The following INPP4B variants were observed in gnomAD, a reference collection of about 807,000 sequenced individuals.
INPP4B encodes the protein inositol polyphosphate-4-phosphatase type II B.
INPP4B carries 55 observed loss-of-function variants against 122.5 expected under a neutral mutation model. That is an observed-to-expected ratio of 0.45 (90% confidence interval 0.36 to 0.56). The LOEUF is 0.56. INPP4B is among the 20% of genes least tolerant of loss of function. INPP4B has a pLI of 0.00. For missense variants in INPP4B, 1,000 were observed against 1,097.7 expected, an observed-to-expected ratio of 0.91 and a Z score of 1.26; for synonymous variants, 403 against 388.7, an observed-to-expected ratio of 1.04 and a Z score of -0.43.
chr4:142,036,451 C>A (rs566839872), intron 25 of INPP4B, among the ~76,000 whole-genome samples: 1 of 152,130 alleles, frequency 6.6e-6, no homozygotes, highest in Middle Eastern at 3.4e-3. Flanking sequence ...TCAGTGGAGC[C>A]ACCCTACAGA....
intron 2 of INPP4B, among the ~76,000 whole-genome samples, chr4:142,643,251 A>T (rs1413520602): frequency 6.6e-6 from 1 of 152,192 alleles, no homozygotes; most frequent in Non-Finnish European, 1.5e-5. Context: ...TCTCACAACA[A>T]CATGATGAAT....
At chr4:142,619,599 G>A (rs1186873840) in intron 2 of INPP4B, among the ~76,000 whole-genome samples, 1 of 151,962 alleles carries the variant, frequency 6.6e-6, no homozygotes, top group African/African-American at 2.4e-5. Context: ...TTGTTGCCAG[G>A]GGATAAGAGG....
At chr4:142,605,034 G>C (rs888451039) in intron 2 of INPP4B, among the ~76,000 whole-genome samples, 4 of 151,956 alleles carry the variant, frequency 2.6e-5, no homozygotes, top group Non-Finnish European at 1.5e-5. Context: ...TAGACAAATG[G>C]AACAGAACAG....
chr4:142,269,144 T>G (rs1221813115), intron 10 of INPP4B, among the ~76,000 whole-genome samples: 1 of 152,166 alleles, frequency 6.6e-6, no homozygotes. Flanking sequence ...GTAATTGACT[T>G]CTTTTATTTT....
intron 2 of INPP4B, among the ~76,000 whole-genome samples, chr4:142,642,147 T>A (rs1007541162): frequency 3.3e-4 from 51 of 152,282 alleles, no homozygotes; most frequent in South Asian, 6.2e-4. Flanking sequence ...GTTTGAGTTC[T>A]TTGTAGATTC....
At chr4:142,787,348 T>C (rs1055230732) in intron 1 of INPP4B, among the ~76,000 whole-genome samples, 5 of 152,120 alleles carry the variant, frequency 3.3e-5, no homozygotes, top group Non-Finnish European at 7.4e-5. Context: ...AGTGTGTTTC[T>C]TATAAAAGAA....
chr4:142,596,127 G>A (rs974427404), intron 2 of INPP4B, among the ~76,000 whole-genome samples: 70 of 152,204 alleles, frequency 4.6e-4, no homozygotes, highest in African/African-American at 1.7e-3. Flanking sequence ...TTATAGGCAT[G>A]AGCGACACCG....
chr4:142,113,703 C>T (rs1009880919), intron 21 of INPP4B, among the ~76,000 whole-genome samples: 11 of 151,948 alleles, frequency 7.2e-5, no homozygotes, highest in Non-Finnish European at 1.6e-4. Flanking sequence ...TTACAATAGC[C>T]TGGCTAACAG....
At chr4:142,316,075 C>T (rs1490916367) in intron 7 of INPP4B, among the ~76,000 whole-genome samples, 4 of 152,124 alleles carry the variant, frequency 2.6e-5, no homozygotes, top group Admixed American at 6.5e-5. Context: ...ATAAAATGTG[C>T]ATTTGAACTT....
intron 15 of INPP4B, among the ~76,000 whole-genome samples, chr4:142,191,225 T>C (rs1835680723): frequency 6.6e-6 from 1 of 152,054 alleles, no homozygotes; most frequent in Non-Finnish European, 1.5e-5. Context: ...TTACAGTGAG[T>C]TCCACGGGAT....
rs368971277 is a variant in INPP4B at position 142,623,152 on chromosome 4, A to G, written c.-191+102687T>C. On this transcript the variant is annotated intron_variant, in intron 2 of 25. Transcript: ENST00000262992. Reference sequence around the variant, plus strand: ...TGATTTCCTTATCTGAGGCTTATCTATCACAGTCGCAAATATACACAGAGT... The same window carrying G: ...TGATTTCCTTATCTGAGGCTTATCTGTCACAGTCGCAAATATACACAGAGT... Among the ~76,000 whole-genome samples, 7 of 152,040 alleles carry G rather than the reference A, an allele frequency of 4.6e-5. No individual in the cohort carries two copies. In the East Asian group the frequency reaches 7.8e-4, roughly 17 times the overall value.
chr4:142,171,142 C>T (rs1825435787), intron 16 of INPP4B, among the ~76,000 whole-genome samples: 1 of 151,586 alleles, frequency 6.6e-6, no homozygotes, highest in Admixed American at 6.6e-5. Context: ...GGAGAGATGC[C>T]ACCTCATTAC....
At chr4:142,705,882 C>T (rs1762414312) in intron 2 of INPP4B, among the ~76,000 whole-genome samples, 1 of 152,218 alleles carries the variant, frequency 6.6e-6, no homozygotes, top group Admixed American at 6.5e-5. Context: ...TCCTTGGTAT[C>T]TATTCTCCAC....
At chr4:142,581,944 G>T (rs1735175949) in intron 2 of INPP4B, among the ~76,000 whole-genome samples, 1 of 151,976 alleles carries the variant, frequency 6.6e-6, no homozygotes, top group Admixed American at 6.6e-5. Context: ...TTACATGGAA[G>T]AAAATTAATC....
At chr4:142,389,402 C>T (rs1433980502) in intron 7 of INPP4B, among the ~76,000 whole-genome samples, 1 of 152,020 alleles carries the variant, frequency 6.6e-6, no homozygotes, top group Non-Finnish European at 1.5e-5. Flanking sequence ...AAAATAAGCA[C>T]TTAGATCAAA....
intron 2 of INPP4B, among the ~76,000 whole-genome samples, chr4:142,579,879 GTAGATAGATAGATAGA>G (rs34007661): frequency 3.4e-4 from 49 of 142,588 alleles, no homozygotes; most frequent in South Asian, 3.0e-3. Flanking sequence ...AGATAGGTAG[GTAGATAGATAGATAGA>G]TAGATAGATA....
At chr4:142,502,751 G>T (rs1001746448) in intron 2 of INPP4B, among the ~76,000 whole-genome samples, 1 of 152,100 alleles carries the variant, frequency 6.6e-6, no homozygotes, top group Non-Finnish European at 1.5e-5. Flanking sequence ...AAAGTGCTGG[G>T]ATTACAGGTG....
intron 1 of INPP4B, among the ~76,000 whole-genome samples, chr4:142,774,192 G>A (rs1040199252): frequency 2.0e-5 from 3 of 152,144 alleles, no homozygotes; most frequent in Admixed American, 6.5e-5. Flanking sequence ...TTGCCATCTG[G>A]ATGTCATAAG....
At chr4:142,239,294 T>C (rs111260550) in intron 11 of INPP4B, among the ~76,000 whole-genome samples, 5,238 of 152,162 alleles carry the variant, frequency 0.034, 290 homozygotes, top group African/African-American at 0.12. Context: ...AAACTTCTAG[T>C]ACATGTACAT....
Sources: gnomAD v4.1 joint callset for allele counts (sites outside exome capture counted in the v4.1 genomes callset) on GRCh38, gnomAD v4.1.1 for gene constraint, MANE v1.5 for transcripts, NCBI Gene and HGNC (gene_info 2026-07-23, HGNC 2026-07-21) for gene names.